Variants in ZNF559 observed in about 807,000 individuals in gnomAD.
The protein encoded by ZNF559 is zinc finger protein 559.
Under a neutral mutation model 14.2 loss-of-function variants are expected in ZNF559, and 17 were observed. The ratio of observed to expected loss-of-function variants is 1.20; its 90% confidence interval spans 0.82 to 1.80. The LOEUF is 1.80. ZNF559 is among the 40% of genes most tolerant of loss of function. ZNF559 has a pLI of 0.00. For synonymous variants in ZNF559, 244 were observed against 212.4 expected (o/e 1.15, Z -1.29); for missense variants, 740 against 629.7 (o/e 1.18, Z -1.88).
rs948538585 is a variant in ZNF559, at chr19:9,324,291, G to A, written c.-206+63G>A. On this transcript the variant is annotated intron_variant, in intron 1 of 6. Coordinates refer to ENST00000603380, the MANE Select transcript of ZNF559 (RefSeq NM_032497.3). ...CGGTGCAGCCACGCGAGAGTAGAAG[G>A]GTGGAAAGGGGAGGTGCCCAGTGAA... The A allele has an allele frequency of 2.6e-6, 4 of 1,535,716 alleles. No individual in the cohort carries two copies. In the African/African-American group the frequency reaches 5.5e-5, roughly 21 times the overall value.
In ZNF559 at chr19:9,345,074, T is replaced by G. The variant is rs2067700892; in HGVS notation, c.*2006T>G. On this transcript the variant is annotated 3_prime_UTR_variant, in exon 7 of 7. Transcript: ENST00000603380. Reference sequence around the variant, plus strand: ...TTGCTTTCTCTTAGAATAGACGACTTTATATTATGTACAGTTTTTATATAA... The same window carrying G: ...TTGCTTTCTCTTAGAATAGACGACTGTATATTATGTACAGTTTTTATATAA... The G allele has an allele frequency of 6.6e-6, 1 of 152,226 alleles. No individual in the cohort carries two copies. Among genetic ancestry groups the G allele is most frequent in the African/African-American group, 2.4e-5 (1 of 41,454 alleles). 9.4% of individuals were successfully genotyped at this position (152,226 alleles called of 1,614,324 possible).
In ZNF559 at chr19:9,343,283, T is replaced by C. The variant is rs1187917039; in HGVS notation, c.*215T>C. ...CTCCTTCCATAGGCCTTACTATTCATGTGTCTGTGCATCCTAGGAAACAAA... is the reference window on the plus strand; with the variant it reads ...CTCCTTCCATAGGCCTTACTATTCACGTGTCTGTGCATCCTAGGAAACAAA... On this transcript the variant is annotated 3_prime_UTR_variant, in exon 7 of 7. Coordinates refer to ENST00000603380, the MANE Select transcript of ZNF559 (RefSeq NM_032497.3). 7.4e-6 allele frequency: 10 copies of C among 1,358,670 alleles called. No homozygotes were observed. The highest frequency in any genetic ancestry group is 7.3e-5 in the African/African-American group (5 of 68,464). 84.2% of individuals were successfully genotyped at this position (1,358,670 alleles called of 1,614,324 possible). A position where few individuals can be genotyped will look rare whatever the true frequency, so the allele number is the denominator to read the frequency against.
intron 2 of ZNF559, among the ~76,000 whole-genome samples, chr19:9,336,100 T>A (rs1223964588): frequency 6.6e-6 from 1 of 152,172 alleles, no homozygotes; most frequent in Non-Finnish European, 1.5e-5. Flanking sequence ...GATAAAAAGT[T>A]GAGTGTCAAC....
intron 5 of ZNF559, among the ~76,000 whole-genome samples, chr19:9,340,158 T>C (rs1017544200): frequency 2.6e-5 from 4 of 151,990 alleles, no homozygotes; most frequent in African/African-American, 9.7e-5. Context: ...TAGTTTGACT[T>C]TTCAGGTGAA....
rs545295602 is a variant in ZNF559, at chr19:9,324,894, A to G, written c.-120+114A>G. On this transcript the variant is annotated intron_variant, in intron 2 of 6. Transcript: ENST00000603380. ...TTGTTCGAGAGCACATGGATCTGAT[A>G]CCATCGAATGCATGAGTGGATGAAT... 8.4e-6 allele frequency: 7 copies of G among 830,972 alleles called. No homozygotes were observed. In the East Asian group the frequency reaches 1.9e-4, roughly 22 times the overall value. 51.5% of individuals were successfully genotyped at this position (830,972 alleles called of 1,614,324 possible). A position where few individuals can be genotyped will look rare whatever the true frequency, so the allele number is the denominator to read the frequency against.
upstream of ZNF559, chr19:9,324,148 T>G (rs2066429682): frequency 4.6e-6 from 7 of 1,535,682 alleles, no homozygotes; most frequent in East Asian, 2.4e-5. Context: ...GTCCTAGCCT[T>G]TGCGCGTGCG....
rs922357402 is a variant in ZNF559, at chr19:9,343,343, A to T, written c.*275A>T. 27 of 1,204,816 alleles carry T rather than the reference A, an allele frequency of 2.2e-5. No homozygotes were observed. Among genetic ancestry groups the T allele is most frequent in the Non-Finnish European group, 2.8e-5 (27 of 964,652 alleles). The allele number at this position is 1,204,816 out of a possible 1,614,324, so 74.6% of individuals were successfully genotyped here. A position where few individuals can be genotyped will look rare whatever the true frequency, so the allele number is the denominator to read the frequency against. On this transcript the variant is annotated 3_prime_UTR_variant, in exon 7 of 7. Transcript: ENST00000603380. ...GGAAACCTGTCGATGCTTACATCTT[A>T]CTGAGTCTGTTTGAACTCATGCTGG...
Position 9,342,148 on chromosome 19 carries a change from CAA to C in ZNF559, c.699_700del (p.Gln233HisfsTer9). 2 of 1,613,260 alleles carry C rather than the reference CAA, an allele frequency of 1.2e-6. No individual in the cohort carries two copies. The highest frequency in any genetic ancestry group is 1.7e-6 in the Non-Finnish European group (2 of 1,179,766). On this transcript the variant is annotated frameshift_variant, in exon 7 of 7. Transcript: ENST00000603380. LOFTEE classifies it low-confidence loss of function (END_TRUNC). ...SHSTALFVHM[Q>X]TQDGEKFYEC... is the part of the protein sequence containing the mutation. ...TTCTACAGCCCTTTTTGTACACATG[CAA>C]ACTCAAGATGGAGAAAAATTCTATG... is the stretch of plus-strand genomic sequence containing the variant.
chr19:9,323,947 T>G (rs2066425839), upstream of ZNF559: 1 of 570,924 alleles, frequency 1.8e-6, no homozygotes, highest in South Asian at 2.3e-5. Flanking sequence ...TCATTCTTTC[T>G]TTGCTTTGCT....
At position 9,342,092 on chromosome 19, in the gene ZNF559, C is replaced by T. The variant is rs1336856199; in HGVS notation, c.641C>T (p.Thr214Ile). 2 of 1,613,250 alleles carry T rather than the reference C, an allele frequency of 1.2e-6. No individual in the cohort carries two copies. Among genetic ancestry groups the T allele is most frequent in the Non-Finnish European group, 1.7e-6 (2 of 1,179,760 alleles). Residue 214 changes from threonine (T) to isoleucine (I), a missense_variant, in exon 7 of 7, where the codon ACT becomes ATT. By Grantham distance (89) the Thr-to-Ile change is moderately conservative. Coordinates refer to ENST00000603380, the MANE Select transcript of ZNF559 (RefSeq NM_032497.3). ...ATTTATGGTGGAGAGAGACCATATA[C>T]TCATAAGGAGTATGTCGAAACCTTT... ...VRIYGGERPY[T>I]HKEYVETFSH...
intron 2 of ZNF559, among the ~76,000 whole-genome samples, chr19:9,337,301 A>G (rs1376998681): frequency 6.6e-6 from 1 of 152,236 alleles, no homozygotes; most frequent in Non-Finnish European, 1.5e-5. Context: ...ATCTGGTCAC[A>G]CTAGTATAGT....
chr19:9,324,914 A>AT (rs1037138940), intron 2 of ZNF559, 134 bp downstream of exon 2: 2 of 716,566 alleles, frequency 2.8e-6, no homozygotes, highest in African/African-American at 3.6e-5. Flanking sequence ...GCATGAGTGG[A>AT]TGAATGCACA....
chr19:9,328,446 C>T (rs921810837), intron 2 of ZNF559, among the ~76,000 whole-genome samples: 14 of 150,706 alleles, frequency 9.3e-5, no homozygotes, highest in African/African-American at 2.9e-4. Flanking sequence ...CTCCACCTCC[C>T]GGGTTCAAGT....
chr19:9,331,009 G>GTA (rs1442824593), intron 2 of ZNF559, among the ~76,000 whole-genome samples: 6 of 152,186 alleles, frequency 3.9e-5, no homozygotes, highest in African/African-American at 1.2e-4. Context: ...CCCTACAGAA[G>GTA]TATACCATAA....
intron 6 of ZNF559, 108 bp from the exon 7 acceptor site, chr19:9,341,586 AT>A (rs2122291207): frequency 6.4e-7 from 1 of 1,569,242 alleles, no homozygotes; most frequent in Non-Finnish European, 8.6e-7. Context: ...AACAGTTTCA[AT>A]TATACTAACT....
chr19:9,328,554 T>C (rs1033113844), intron 2 of ZNF559, among the ~76,000 whole-genome samples: 1 of 151,722 alleles, frequency 6.6e-6, no homozygotes, highest in Non-Finnish European at 1.5e-5. Flanking sequence ...GCTTTCATCA[T>C]GTTGGCTAGG....
chr19:9,338,397 T>G, intron 3 of ZNF559, 97 bp from the exon 4 acceptor site: 1 of 821,808 alleles, frequency 1.2e-6, no homozygotes, highest in South Asian at 1.7e-5. Context: ...ATAACGTGTG[T>G]GTGTCCACTT....
intron 1 of ZNF559, 137 bp downstream of exon 1, chr19:9,324,365 T>A: frequency 6.7e-7 from 1 of 1,500,736 alleles, no homozygotes; most frequent in Non-Finnish European, 8.9e-7. Context: ...TCTTGTGGGC[T>A]CTCCCAAGTC....
rs147973414 is a variant in ZNF559, at chr19:9,341,877, C to T, written c.426C>T (p.Ile142=). 197 of 1,609,682 alleles carry T rather than the reference C, an allele frequency of 1.2e-4. No individual in the cohort carries two copies. In the African/African-American group the frequency reaches 1.7e-3, roughly 14 times the overall value. The change falls in exon 7 of 7, where the codon ATC becomes ATT. Residue 142 remains isoleucine (I), a synonymous_variant. Coordinates refer to ENST00000603380, the MANE Select transcript of ZNF559 (RefSeq NM_032497.3). The part of the protein sequence containing the change: ...SIFTLHKKTD[I]GEELPNCNQC... ...TTACTTTACACAAGAAAACTGATAT[C>T]GGAGAGGAACTTCCTAACTGTAATC...
Sources: allele counts gnomAD v4.1 joint callset (sites outside exome capture counted in the v4.1 genomes callset), GRCh38; gene constraint gnomAD v4.1.1; transcripts MANE v1.5; gene names NCBI Gene and HGNC (gene_info 2026-07-23, HGNC 2026-07-21).